Variants in MYRIP observed in about 807,000 individuals in gnomAD.
MYRIP encodes rab effector MyRIP.
MYRIP carries 49 observed loss-of-function variants against 98.0 expected under a neutral mutation model. The ratio of observed to expected loss-of-function variants is 0.50; its 90% CI spans 0.40 to 0.63. MYRIP has a LOEUF of 0.63. MYRIP is among the 30% of genes least tolerant of loss of function. MYRIP has a pLI of 0.00. For synonymous variants in MYRIP, 404 were observed against 409.5 expected (o/e 0.99, Z 0.16); for missense variants, 1,004 against 1,058.2 (o/e 0.95, Z 0.71).
Position 40,132,241 on chromosome 3 carries a change from G to A in MYRIP, c.333-18807G>A, listed in dbSNP as rs1353382349. On this transcript the variant is annotated intron_variant, in intron 3 of 16. Transcript: ENST00000302541. ...TGTTGTCTCTACAGCTGCAGAAAAG[G>A]AGCCTCACTTTTTTTAAAATTAGAA... 2.0e-5 allele frequency among the ~76,000 whole-genome samples: 3 copies of A among 152,240 alleles called. No individual in the cohort carries two copies. The East Asian group carries it at 5.8e-4, about 29-fold the overall frequency.
intron 2 of MYRIP, among the ~76,000 whole-genome samples, chr3:39,957,464 G>GA (rs1423594030): frequency 2.6e-5 from 4 of 151,986 alleles, no homozygotes; most frequent in Non-Finnish European, 4.4e-5. Flanking sequence ...AAAGGCCTTC[G>GA]AAAAAATTCA....
At chr3:39,947,785 G>A (rs973696232) in intron 2 of MYRIP, among the ~76,000 whole-genome samples, 26 of 152,034 alleles carry the variant, frequency 1.7e-4, no homozygotes, top group African/African-American at 6.3e-4. Context: ...AAATGAAAAC[G>A]AAAATAAAAA....
At chr3:39,916,122 A>G (rs1026504928) in intron 2 of MYRIP, among the ~76,000 whole-genome samples, 2 of 152,084 alleles carry the variant, frequency 1.3e-5, no homozygotes, top group Admixed American at 1.3e-4. Context: ...TTGTTTTTCA[A>G]GAACAGTCAC....
intron 11 of MYRIP, among the ~76,000 whole-genome samples, chr3:40,228,926 T>C (rs1952566458): frequency 6.6e-6 from 1 of 152,186 alleles, no homozygotes; most frequent in South Asian, 2.1e-4. Context: ...CATCCGATTA[T>C]TAGAGCACAC....
chr3:40,125,019 G>A (rs1330381517), intron 3 of MYRIP, among the ~76,000 whole-genome samples: 5 of 152,198 alleles, frequency 3.3e-5, no homozygotes, highest in Non-Finnish European at 7.3e-5. Flanking sequence ...TGTGAAGTGA[G>A]GATTAATAAA....
rs113842293 is a variant in MYRIP, at chr3:40,115,159, C to T, written c.333-35889C>T. 9.1e-4 allele frequency among the ~76,000 whole-genome samples: 139 copies of T among 152,164 alleles called. 1 individual carries two copies. Among genetic ancestry groups the T allele is most frequent in the African/African-American group, 2.9e-3 (120 of 41,518 alleles). On this transcript the variant is annotated intron_variant, in intron 3 of 16. Transcript: ENST00000302541. The stretch of plus-strand genomic sequence containing the variant: ...GGGAAATATTCAAGAAAAAGTTGCT[C>T]CTAGTGTGAAATTGATCATCCAAGG...
chr3:39,815,035 C>G (rs534017820), intron 1 of MYRIP, among the ~76,000 whole-genome samples: 1 of 152,294 alleles, frequency 6.6e-6, no homozygotes, highest in South Asian at 2.1e-4. Flanking sequence ...ATACAATTCA[C>G]TCATTGAAAG....
At chr3:39,924,990 T>C (rs1288953111) in intron 2 of MYRIP, among the ~76,000 whole-genome samples, 1 of 151,748 alleles carries the variant, frequency 6.6e-6, no homozygotes, top group Non-Finnish European at 1.5e-5. Flanking sequence ...TAGTACTAAA[T>C]GCATACTGGA....
chr3:39,863,049 T>C lies in MYRIP; in HGVS notation c.-30-37738T>C, dbSNP rs556962921. Among the ~76,000 whole-genome samples the C allele has an allele frequency of 2.0e-5, 3 of 152,244 alleles. No individual in the cohort carries two copies. In the South Asian group the frequency reaches 6.2e-4, roughly 32 times the overall value. ...CATGAAAATTAACCCTCCCCTTGAA[T>C]GAATGACTTTTGGGTAAATAATGAA... On this transcript the variant is annotated intron_variant, in intron 1 of 16. Transcript: ENST00000302541.
rs918217265 is a variant in MYRIP at position 39,872,606 on chromosome 3, C to A, written c.-30-28181C>A. On this transcript the variant is annotated intron_variant, in intron 1 of 16. Coordinates refer to ENST00000302541, the MANE Select transcript of MYRIP (RefSeq NM_015460.4). ...TGCGGTGTTTGGTTTTTTGTCCTTGCGATAGTTTACTGAGAATGATGATTT... is the reference window on the plus strand; with the variant it reads ...TGCGGTGTTTGGTTTTTTGTCCTTGAGATAGTTTACTGAGAATGATGATTT... Among the ~76,000 whole-genome samples the A allele has an allele frequency of 3.3e-5, 5 of 150,638 alleles. No homozygotes were observed. In the South Asian group the frequency reaches 1.1e-3, roughly 32 times the overall value.
chr3:40,036,318 A>AC (rs1559374531), intron 2 of MYRIP, among the ~76,000 whole-genome samples: 8 of 148,944 alleles, frequency 5.4e-5, no homozygotes, highest in African/African-American at 1.2e-4. Flanking sequence ...AAAAAAAAAA[A>AC]AAAAAACTTT....
At chr3:40,216,465 T>C (rs955460334) in intron 11 of MYRIP, among the ~76,000 whole-genome samples, 3 of 152,100 alleles carry the variant, frequency 2.0e-5, no homozygotes, top group Admixed American at 6.6e-5. Context: ...AGGAAAAACA[T>C]GTACACCCGT....
chr3:39,833,118 A>G (rs1941502765), intron 1 of MYRIP, among the ~76,000 whole-genome samples: 1 of 152,192 alleles, frequency 6.6e-6, no homozygotes, highest in South Asian at 2.1e-4. Context: ...TTTAGTGAAA[A>G]AAGAAGCATG....
At chr3:39,823,518 A>AT (rs1276103870) in intron 1 of MYRIP, among the ~76,000 whole-genome samples, 1 of 151,998 alleles carries the variant, frequency 6.6e-6, no homozygotes, top group Non-Finnish European at 1.5e-5. Context: ...AGCATTTGTT[A>AT]TTTTTTGTCT....
chr3:40,131,602 A>T (rs1168028276), intron 3 of MYRIP, among the ~76,000 whole-genome samples: 1 of 152,174 alleles, frequency 6.6e-6, no homozygotes, highest in Non-Finnish European at 1.5e-5. Context: ...GGAAAATTTC[A>T]TCAAAGTTGT....
intron 10 of MYRIP, among the ~76,000 whole-genome samples, chr3:40,206,597 C>G (rs2125660139): frequency 6.6e-6 from 1 of 152,316 alleles, no homozygotes; most frequent in South Asian, 2.1e-4. Context: ...GGCCCTTCCT[C>G]TGAGTCTCAT....
Position 40,258,178 on chromosome 3 carries a change from T to TCCACTGCCAGTGAC in MYRIP, c.*21_*34dup. Reference sequence around the variant, plus strand: ...CTGTGATGTACTGACACCATGGAATTCCACTGCCAGTGACCCACTGCCTCC... The same window carrying TCCACTGCCAGTGAC: ...CTGTGATGTACTGACACCATGGAATTCCACTGCCAGTGACCCACTGCCAGTGACCCACTGCCTCC... On this transcript the variant is annotated 3_prime_UTR_variant, in exon 17 of 17. Transcript: ENST00000302541. 6 of 1,614,148 alleles carry TCCACTGCCAGTGAC rather than the reference T, an allele frequency of 3.7e-6. No homozygotes were observed. The highest frequency in any genetic ancestry group is 5.1e-6 in the Non-Finnish European group (6 of 1,179,988).
At chr3:40,004,835 C>G (rs1167798418) in intron 2 of MYRIP, among the ~76,000 whole-genome samples, 1 of 152,036 alleles carries the variant, frequency 6.6e-6, no homozygotes, top group East Asian at 1.9e-4. Flanking sequence ...AGGTGTGTTA[C>G]AAGGGTATAT....
intron 9 of MYRIP, among the ~76,000 whole-genome samples, chr3:40,185,801 G>A (rs1266348165): frequency 2.6e-5 from 4 of 152,050 alleles, no homozygotes; most frequent in African/African-American, 7.2e-5. Context: ...ATCAAGGGTC[G>A]CCTCCTTTGG....
Sources: allele counts gnomAD v4.1 joint callset (sites outside exome capture counted in the v4.1 genomes callset), GRCh38; gene constraint gnomAD v4.1.1; transcripts MANE v1.5; gene names NCBI Gene and HGNC (gene_info 2026-07-23, HGNC 2026-07-21).